Variants in BLTP3B observed in about 807,000 individuals in gnomAD.
BLTP3B encodes bridge-like lipid transfer protein family member 3B, also known as UHRF1 (ICBP90) binding protein 1-like.
the BLTP3B span, among the ~76,000 whole-genome samples, chr12:100,100,342 G>A: frequency 3.4e-4 from 51 of 151,530 alleles, no homozygotes; most frequent in African/African-American, 1.2e-3. Context: ...TTAAAAAAAC[G>A]CTCTTCTCAT....
At chr12:100,109,199 TC>T in the BLTP3B span, among the ~76,000 whole-genome samples, 1 of 140,872 alleles carries the variant, frequency 7.1e-6, no homozygotes, top group Non-Finnish European at 1.6e-5. Context: ...TCTCTCTCTC[TC>T]TCTCTCTCTC....
At chr12:100,109,156 T>A in the BLTP3B span, among the ~76,000 whole-genome samples, 1 of 111,194 alleles carries the variant, frequency 9.0e-6, no homozygotes, top group African/African-American at 3.6e-5. Flanking sequence ...GTCTGGCAGT[T>A]TTCCTCTCTC....
the BLTP3B span, among the ~76,000 whole-genome samples, chr12:100,096,799 C>G: frequency 2.4e-3 from 364 of 152,004 alleles, 2 homozygotes; most frequent in African/African-American, 8.3e-3. Flanking sequence ...CCAGCCTGGG[C>G]AACAGAGCAA....
At chr12:100,082,995 T>C in the BLTP3B span, 1 of 1,578,736 alleles carries the variant, frequency 6.3e-7, no homozygotes, top group Non-Finnish European at 8.7e-7. Flanking sequence ...TGAGAAAACT[T>C]AATTGGAAAA....
chr12:100,140,721 AAAAAAAAAAT>A, the BLTP3B span, among the ~76,000 whole-genome samples: 6 of 108,290 alleles, frequency 5.5e-5, no homozygotes, highest in South Asian at 5.2e-4. Context: ...AAAAAAAAAA[AAAAAAAAAAT>A]ATATATATAT....
At chr12:100,084,088 C>G in the BLTP3B span, among the ~76,000 whole-genome samples, 1 of 151,996 alleles carries the variant, frequency 6.6e-6, no homozygotes, top group Admixed American at 6.6e-5. Context: ...ACTCAGGAGG[C>G]TGAGGCAGGA....
chr12:100,121,243 G>A, the BLTP3B span, among the ~76,000 whole-genome samples: 4 of 151,830 alleles, frequency 2.6e-5, no homozygotes, highest in South Asian at 2.1e-4. Context: ...CCAGCTACTC[G>A]GGAGGGTGAG....
At chr12:100,079,481 A>T in the BLTP3B span, among the ~76,000 whole-genome samples, 1 of 152,182 alleles carries the variant, frequency 6.6e-6, no homozygotes. Flanking sequence ...AACTTGAGAG[A>T]TGATTTAGGT....
At chr12:100,060,299 T>C in the BLTP3B span, among the ~76,000 whole-genome samples, 5 of 152,252 alleles carry the variant, frequency 3.3e-5, no homozygotes, top group South Asian at 8.3e-4. Flanking sequence ...ATAAAACACA[T>C]GAATATTTTG....
the BLTP3B span, chr12:100,086,458 A>G: frequency 1.7e-5 from 11 of 665,272 alleles, no homozygotes; most frequent in African/African-American, 1.5e-4. Flanking sequence ...CCAAATAGTA[A>G]TAACTGTCTC....
chr12:100,099,149 T>C, the BLTP3B span, among the ~76,000 whole-genome samples: 1 of 150,710 alleles, frequency 6.6e-6, no homozygotes, highest in East Asian at 2.1e-4. Flanking sequence ...TGCACCACCA[T>C]ACCTGGCTAA....
the BLTP3B span, among the ~76,000 whole-genome samples, chr12:100,076,722 T>C: frequency 1.3e-5 from 2 of 152,242 alleles, no homozygotes; most frequent in Non-Finnish European, 2.9e-5. Flanking sequence ...TTTTAATTTG[T>C]ATAGTCTTTA....
chr12:100,047,804 A>C, the BLTP3B span: 2 of 1,148,258 alleles, frequency 1.7e-6, no homozygotes, highest in Admixed American at 3.1e-5. Context: ...AGATCTCTAC[A>C]TCATTTACCA....
the BLTP3B span, chr12:100,098,526 A>G: frequency 1.2e-6 from 2 of 1,612,094 alleles, no homozygotes; most frequent in Non-Finnish European, 1.7e-6. Context: ...CTACTTTTTC[A>G]GCAAAGCCGT....
chr12:100,135,992 C>A, the BLTP3B span, among the ~76,000 whole-genome samples: 1 of 152,118 alleles, frequency 6.6e-6, no homozygotes, highest in Admixed American at 6.5e-5. Flanking sequence ...GTGGGTGGAT[C>A]ACAAGGTCAG....
At chr12:100,113,781 C>T in the BLTP3B span, among the ~76,000 whole-genome samples, 5 of 150,996 alleles carry the variant, frequency 3.3e-5, no homozygotes, top group East Asian at 9.7e-4. Flanking sequence ...AACATAGAGA[C>T]ACCCTGTCTC....
chr12:100,045,128 T>C, the BLTP3B span, among the ~76,000 whole-genome samples: 1 of 152,216 alleles, frequency 6.6e-6, no homozygotes, highest in African/African-American at 2.4e-5. Flanking sequence ...GAATATTCCA[T>C]GCTCATGGGT....
the BLTP3B span, among the ~76,000 whole-genome samples, chr12:100,071,044 T>G: frequency 6.6e-6 from 1 of 151,976 alleles, no homozygotes; most frequent in Admixed American, 6.6e-5. Context: ...AATGGGCAAG[T>G]AGGTCTAAGT....
the BLTP3B span, among the ~76,000 whole-genome samples, chr12:100,107,914 T>G: frequency 2.0e-5 from 3 of 152,116 alleles, no homozygotes; most frequent in African/African-American, 4.8e-5. Context: ...TTTTTTATTT[T>G]TATTTTTAGT....
Sources: gnomAD v4.1 joint callset for allele counts (sites outside exome capture counted in the v4.1 genomes callset) on GRCh38, gnomAD v4.1.1 for gene constraint, MANE v1.5 for transcripts, NCBI Gene and HGNC (gene_info 2026-07-23, HGNC 2026-07-21) for gene names.